TMEM154: variants seen among roughly 807,000 people sequenced by gnomAD.
TMEM154 encodes transmembrane protein 154.
In TMEM154, 27 loss-of-function variants were observed where a neutral mutation model predicts 24.5. That is an observed-to-expected ratio of 1.10 (90% CI 0.81 to 1.52). The LOEUF is 1.52. Ranked by LOEUF, TMEM154 falls within the 40% of genes most tolerant of loss-of-function variation. The pLI, the probability that TMEM154 is intolerant of heterozygous loss-of-function variation, is 0.00. For synonymous variants in TMEM154, 67 were observed against 76.8 expected (o/e 0.87, Z 0.67); for missense variants, 228 against 213.4 (o/e 1.07, Z -0.43).
chr4:152,623,440 C>G lies in TMEM154; in HGVS notation c.*5106G>C, dbSNP rs959780867. The G allele has an allele frequency of 1.3e-5, 2 of 152,038 alleles. No individual in the cohort carries two copies. Among genetic ancestry groups the G allele is most frequent in the Non-Finnish European group, 2.9e-5 (2 of 68,010 alleles). 9.4% of individuals were successfully genotyped at this position (152,038 alleles called of 1,614,324 possible). The stretch of plus-strand genomic sequence containing the variant: ...TAAACATGTGGAGTTTTCACATGTT[C>G]CTGGCATTATTTATAATTTGAGGTG... On this transcript the variant is annotated 3_prime_UTR_variant, in exon 7 of 7. Coordinates refer to ENST00000304385, the MANE Select transcript of TMEM154 (RefSeq NM_152680.3).
chr4:152,622,757 GA>G lies in TMEM154; in HGVS notation c.*5788del, dbSNP rs1042799522. Reference sequence around the variant, plus strand: ...ATTATTCTCAGTATGCAAAGTAGGAGAAAAACACCTAAAACCTTTAATCAGT... The same window carrying G: ...ATTATTCTCAGTATGCAAAGTAGGAGAAAACACCTAAAACCTTTAATCAGT... On this transcript the variant is annotated 3_prime_UTR_variant, in exon 7 of 7. Coordinates refer to ENST00000304385, the MANE Select transcript of TMEM154 (RefSeq NM_152680.3). 8 of 152,132 alleles carry G rather than the reference GA, an allele frequency of 5.3e-5. No individual in the cohort carries two copies. Among genetic ancestry groups the G allele is most frequent in the Non-Finnish European group, 1.0e-4 (7 of 68,034 alleles). 9.4% of individuals were successfully genotyped at this position (152,132 alleles called of 1,614,324 possible).
chr4:152,647,055 A>C, intron 3 of TMEM154: 4 of 842,774 alleles, frequency 4.7e-6, no homozygotes, highest in Non-Finnish European at 7.8e-6. Flanking sequence ...CTGAACATGA[A>C]ATGGACAAGC....
chr4:152,642,512 G>A (rs1467183333), intron 5 of TMEM154, among the ~76,000 whole-genome samples: 2 of 152,106 alleles, frequency 1.3e-5, no homozygotes, highest in Non-Finnish European at 1.5e-5. Context: ...GTTATATGGG[G>A]TATGTATATC....
At chr4:152,658,416 T>C (rs1728533055) in intron 1 of TMEM154, among the ~76,000 whole-genome samples, 1 of 151,498 alleles carries the variant, frequency 6.6e-6, no homozygotes. Flanking sequence ...CCAAAATTAG[T>C]AGAAGGAAAG....
At chr4:152,646,691 C>T (rs757608198) in intron 3 of TMEM154, 3 of 404,266 alleles carry the variant, frequency 7.4e-6, no homozygotes, top group African/African-American at 2.2e-5. Context: ...TTCCTACTTC[C>T]CCCCCACTTA....
At chr4:152,642,463 A>G (rs1752277067) in intron 5 of TMEM154, among the ~76,000 whole-genome samples, 1 of 152,222 alleles carries the variant, frequency 6.6e-6, no homozygotes, top group Admixed American at 6.5e-5. Flanking sequence ...AAAGTAAGGA[A>G]CATATACTTC....
At chr4:152,646,603 C>A (rs1046802273) in intron 3 of TMEM154, 8 of 232,828 alleles carry the variant, frequency 3.4e-5, no homozygotes, top group Non-Finnish European at 5.1e-5. Context: ...AAAGCTCCAT[C>A]TCAAACCCCT....
chr4:152,653,668 G>A (rs115957719), intron 1 of TMEM154, among the ~76,000 whole-genome samples: 1,919 of 151,948 alleles, frequency 0.013, 35 homozygotes, highest in African/African-American at 0.041. Flanking sequence ...AGAATTGCAG[G>A]TGTGAGCCAC....
At chr4:152,629,392 G>A (rs566066539) in intron 6 of TMEM154, among the ~76,000 whole-genome samples, 1 of 152,314 alleles carries the variant, frequency 6.6e-6, no homozygotes, top group East Asian at 1.9e-4. Context: ...GCATCCTGGG[G>A]TGTGAGCAGA....
chr4:152,638,986 T>C (rs1414159683), intron 6 of TMEM154, among the ~76,000 whole-genome samples: 1 of 152,194 alleles, frequency 6.6e-6, no homozygotes, highest in African/African-American at 2.4e-5. Flanking sequence ...CTTTCACTCT[T>C]GTTGCCTAGG....
At chr4:152,662,062 TATA>T (rs1347172893) in intron 1 of TMEM154, among the ~76,000 whole-genome samples, 1 of 152,236 alleles carries the variant, frequency 6.6e-6, no homozygotes, top group Non-Finnish European at 1.5e-5. Flanking sequence ...TTGAATGTAT[TATA>T]ATCTTTTCCT....
intron 1 of TMEM154, among the ~76,000 whole-genome samples, chr4:152,665,217 G>T (rs562537139): frequency 6.6e-6 from 1 of 152,106 alleles, no homozygotes; most frequent in African/African-American, 2.4e-5. Context: ...TCTAAATATC[G>T]ATCAATCTAA....
In TMEM154 at chr4:152,670,998, C is replaced by T. The variant is rs558939491; in HGVS notation, c.64+8872G>A. On this transcript the variant is annotated intron_variant, in intron 1 of 6. Transcript: ENST00000304385. ...ATAAAAGCCATCATGTGTTTGTATA[C>T]AAAGTCTCATGAGTACATGGGAGAG... is the stretch of plus-strand genomic sequence containing the variant. Among the ~76,000 whole-genome samples, 13 of 152,246 alleles carry T rather than the reference C, an allele frequency of 8.5e-5. No homozygotes were observed. The East Asian group carries it at 1.7e-3, about 20-fold the overall frequency.
chr4:152,636,936 C>T (rs1752161576), intron 6 of TMEM154, among the ~76,000 whole-genome samples: 1 of 152,188 alleles, frequency 6.6e-6, no homozygotes, highest in Admixed American at 6.5e-5. Context: ...GCATTAAATT[C>T]ACCTGTATAC....
At chr4:152,632,777 TC>T (rs1349995147) in intron 6 of TMEM154, among the ~76,000 whole-genome samples, 2 of 152,196 alleles carry the variant, frequency 1.3e-5, no homozygotes, top group African/African-American at 4.8e-5. Flanking sequence ...GAGCCCTGGG[TC>T]AGTTGTCCTG....
At chr4:152,645,944 C>T (rs1322775401) in intron 3 of TMEM154, among the ~76,000 whole-genome samples, 1 of 147,832 alleles carries the variant, frequency 6.8e-6, no homozygotes, top group Non-Finnish European at 1.5e-5. Context: ...TACACACACA[C>T]ACACACACAC....
chr4:152,633,441 G>A (rs1018485705), intron 6 of TMEM154, among the ~76,000 whole-genome samples: 1 of 152,146 alleles, frequency 6.6e-6, no homozygotes, highest in Non-Finnish European at 1.5e-5. Flanking sequence ...GTTTCCTGCT[G>A]TCTTTTTGGC....
chr4:152,643,975 C>T (rs1048766901), intron 4 of TMEM154, among the ~76,000 whole-genome samples: 2 of 151,790 alleles, frequency 1.3e-5, no homozygotes, highest in African/African-American at 4.8e-5. Context: ...CCTCCTCTCT[C>T]TCTCCCATCC....
intron 1 of TMEM154, among the ~76,000 whole-genome samples, chr4:152,663,169 T>G (rs892133143): frequency 7.9e-5 from 12 of 152,364 alleles, no homozygotes; most frequent in African/African-American, 2.6e-4. Context: ...TTTGTGTCTT[T>G]GTTATTTTCT....
Sources: allele counts gnomAD v4.1 joint callset (sites outside exome capture counted in the v4.1 genomes callset), GRCh38; gene constraint gnomAD v4.1.1; transcripts MANE v1.5; gene names NCBI Gene and HGNC (gene_info 2026-07-23, HGNC 2026-07-21).